The following LMTK2 variants were observed in gnomAD, a reference collection of about 807,000 sequenced individuals.
The protein encoded by LMTK2 is lemur tail kinase 2, also known as serine/threonine-protein kinase LMTK2.
Under a neutral mutation model 127.5 loss-of-function variants are expected in LMTK2, and 37 were observed. The ratio of observed to expected loss-of-function variants is 0.29; its 90% confidence interval spans 0.22 to 0.38. LMTK2 has a LOEUF of 0.38. Among genes scored for constraint, LMTK2 ranks in the 10% least tolerant of loss-of-function variants. LMTK2 has a pLI of 1.00. For missense variants in LMTK2, 1,694 were observed against 1,920.3 expected (o/e 0.88, Z 2.20); for synonymous variants, 819 against 810.1 (o/e 1.01, Z -0.19).
Position 98,135,864 on chromosome 7 carries a change from C to CT in LMTK2, c.104-1439dup, listed in dbSNP as rs995106456. On this transcript the variant is annotated intron_variant, in intron 1 of 13. Coordinates refer to ENST00000297293, the MANE Select transcript of LMTK2 (RefSeq NM_014916.4). ...TCACAGGCAGTATCCTTGGCATATTCTTTTTTTTTTTTAAACAGCCCCTTA... is the reference window on the plus strand; with the variant it reads ...TCACAGGCAGTATCCTTGGCATATTCTTTTTTTTTTTTTAAACAGCCCCTTA... 6.9e-4 allele frequency among the ~76,000 whole-genome samples: 100 copies of CT among 145,048 alleles called. 1 individual carries two copies. Among genetic ancestry groups the CT allele is most frequent in the Middle Eastern group, 3.6e-3 (1 of 280 alleles).
intron 10 of LMTK2, 67 bp from the exon 11 acceptor site, chr7:98,191,547 G>A (rs992507344): frequency 4.7e-5 from 62 of 1,308,928 alleles, no homozygotes; most frequent in South Asian, 7.4e-5. Context: ...GCAAGACTCC[G>A]TCTCGAACCA....
At chr7:98,152,192 G>A (rs1562906781) in intron 4 of LMTK2, among the ~76,000 whole-genome samples, 1 of 152,074 alleles carries the variant, frequency 6.6e-6, no homozygotes. Flanking sequence ...TTCTCTCATA[G>A]CCCGTCAAGT....
Position 98,192,383 on chromosome 7 carries a change from G to C in LMTK2, c.1918G>C (p.Asp640His). 6.2e-7 allele frequency: 1 copy of C among 1,606,936 alleles called. No homozygotes were observed. Among genetic ancestry groups the C allele is most frequent in the Non-Finnish European group, 8.5e-7 (1 of 1,178,146 alleles). The stretch of plus-strand genomic sequence containing the variant: ...TTTCAACAATATATTTAATGATGTG[G>C]ACAAATCGGAAGATTTGCCCAGTCA... ...SPFNNIFNDV[D>H]KSEDLPSHQK... The change falls in exon 11 of 14, where the codon GAC becomes CAC. Residue 640 changes from aspartate to histidine, a missense_variant. Physicochemically the swap from Asp to His is moderately conservative, Grantham distance 81. This residue lies in a region of LMTK2 where 527 missense variants were observed against 539.8 expected (regional missense o/e 0.98). Coordinates refer to ENST00000297293, the MANE Select transcript of LMTK2 (RefSeq NM_014916.4).
intron 7 of LMTK2, among the ~76,000 whole-genome samples, chr7:98,176,025 G>A (rs144542411): frequency 1.6e-3 from 238 of 152,306 alleles, no homozygotes; most frequent in African/African-American, 5.4e-3. Flanking sequence ...AATTATTGAC[G>A]ATTCTCCTGA....
At chr7:98,136,058 G>A (rs1796591926) in intron 1 of LMTK2, among the ~76,000 whole-genome samples, 2 of 151,976 alleles carry the variant, frequency 1.3e-5, no homozygotes, top group Non-Finnish European at 1.5e-5. Flanking sequence ...GGAGCCTGGA[G>A]CTTCCTGTCG....
intron 1 of LMTK2, among the ~76,000 whole-genome samples, chr7:98,109,818 A>G (rs1456197410): frequency 6.6e-6 from 1 of 152,036 alleles, no homozygotes; most frequent in Non-Finnish European, 1.5e-5. Flanking sequence ...TCTCCATCCA[A>G]AAGAGTTTAT....
intron 4 of LMTK2, among the ~76,000 whole-genome samples, chr7:98,151,657 C>T (rs1017560774): frequency 9.2e-5 from 14 of 152,238 alleles, no homozygotes; most frequent in East Asian, 3.8e-4. Context: ...GAAAGGATGT[C>T]TTACGGCATA....
intron 7 of LMTK2, among the ~76,000 whole-genome samples, chr7:98,177,448 T>C (rs1039681125): frequency 1.3e-5 from 2 of 152,202 alleles, no homozygotes; most frequent in African/African-American, 4.8e-5. Context: ...CACACAAAAA[T>C]GCCAGTTCAC....
chr7:98,187,012 T>TA lies in LMTK2; in HGVS notation c.998+15dup. The TA allele has an allele frequency of 6.2e-7, 1 of 1,603,552 alleles. No individual in the cohort carries two copies. ...TAGTAATATCTGGTACGTATTGGCT[T>TA]ACCGTTTTATTAGTCATTTCTTTGG... On this transcript the variant is annotated intron_variant, in intron 9 of 13. Transcript: ENST00000297293.
rs529705896 is a variant in LMTK2 at position 98,153,065 on chromosome 7, G to A, written c.450+1610G>A. Among the ~76,000 whole-genome samples the A allele has an allele frequency of 1.2e-4, 18 of 152,346 alleles. No individual in the cohort carries two copies. The South Asian group carries it at 3.7e-3, about 32-fold the overall frequency. Reference sequence around the variant, plus strand: ...AACAGACACTGCAGGAGAGGCAGGAGGAAGTCGGGAGTTCATCTTTGCTAT... The same window carrying A: ...AACAGACACTGCAGGAGAGGCAGGAAGAAGTCGGGAGTTCATCTTTGCTAT... On this transcript the variant is annotated intron_variant, in intron 4 of 13. Transcript: ENST00000297293.
At position 98,193,804 on chromosome 7, in the gene LMTK2, C is replaced by G; in HGVS notation, c.3339C>G (p.Pro1113=). 2 of 1,613,952 alleles carry G rather than the reference C, an allele frequency of 1.2e-6. No homozygotes were observed. Among genetic ancestry groups the G allele is most frequent in the Non-Finnish European group, 1.7e-6 (2 of 1,179,990 alleles). ...ACTTCTCAGACAATGACTCTGAGCC[C>G]GAGAAAAGGTCTGAGGAGGTCCCGG... ...SAYFSDNDSE[P]EKRSEEVPGT... Residue 1113 remains proline (P), a synonymous_variant, in exon 11 of 14, where the codon CCC becomes CCG. Transcript: ENST00000297293. The surrounding 1 kb of genome is among the most constrained non-coding windows in gnomAD (Gnocchi z 4.1).
At chr7:98,134,707 G>T (rs1295096792) in intron 1 of LMTK2, among the ~76,000 whole-genome samples, 1 of 151,768 alleles carries the variant, frequency 6.6e-6, no homozygotes, top group African/African-American at 2.4e-5. Context: ...CAGGCTTCTT[G>T]TCTGGATGAG....
intron 1 of LMTK2, among the ~76,000 whole-genome samples, chr7:98,115,189 T>G (rs1046778403): frequency 6.6e-6 from 1 of 150,938 alleles, no homozygotes; most frequent in Non-Finnish European, 1.5e-5. Flanking sequence ...TCGAGGTGGG[T>G]GGATCACGTG....
intron 1 of LMTK2, among the ~76,000 whole-genome samples, chr7:98,116,192 C>T (rs1336854254): frequency 2.0e-5 from 3 of 152,154 alleles, no homozygotes; most frequent in Admixed American, 6.5e-5. Flanking sequence ...CAGTGTCCGG[C>T]CTACATCATT....
intron 3 of LMTK2, among the ~76,000 whole-genome samples, chr7:98,148,861 T>A (rs1053898525): frequency 6.6e-6 from 1 of 152,226 alleles, no homozygotes; most frequent in Non-Finnish European, 1.5e-5. Context: ...GCCTGTGTTC[T>A]TCCTCAGCCT....
chr7:98,156,408 T>G (rs1274406793), intron 5 of LMTK2, among the ~76,000 whole-genome samples: 1 of 150,796 alleles, frequency 6.6e-6, no homozygotes, highest in Non-Finnish European at 1.5e-5. Context: ...GAGCTTGCAG[T>G]GAGCCGAGAT....
At chr7:98,204,230 G>T (rs1221417993) in intron 13 of LMTK2, 44 bp downstream of exon 13, 2 of 866,162 alleles carry the variant, frequency 2.3e-6, no homozygotes, top group South Asian at 1.3e-5. Flanking sequence ...CAGGGTCGGG[G>T]GTGGGGCGCT....
At chr7:98,157,529 T>C (rs1321066150) in intron 5 of LMTK2, among the ~76,000 whole-genome samples, 2 of 151,946 alleles carry the variant, frequency 1.3e-5, no homozygotes, top group Non-Finnish European at 2.9e-5. Flanking sequence ...TGCATGATTG[T>C]TCATAGCAGC....
intron 1 of LMTK2, among the ~76,000 whole-genome samples, chr7:98,121,594 A>G (rs1339538736): frequency 6.6e-6 from 1 of 151,754 alleles, no homozygotes; most frequent in Non-Finnish European, 1.5e-5. Context: ...AGATTGCGCC[A>G]CTGCATTCCA....
Sources: allele counts gnomAD v4.1 joint callset (sites outside exome capture counted in the v4.1 genomes callset), GRCh38; gene constraint gnomAD v4.1.1; regional missense constraint gnomAD v4.1.1; non-coding constraint Gnocchi (gnomAD v3.1); transcripts MANE v1.5; gene names NCBI Gene and HGNC (gene_info 2026-07-23, HGNC 2026-07-21).